The following LINGO2 variants were observed in gnomAD, a reference collection of about 807,000 sequenced individuals.
LINGO2 encodes the protein leucine rich repeat and Ig domain containing 2, also known as leucine-rich repeat and immunoglobulin-like domain-containing nogo receptor-interacting protein 2.
Under a neutral mutation model 30.6 loss-of-function variants are expected in LINGO2, and 14 were observed. That is an observed-to-expected ratio of 0.46 (90% CI 0.30 to 0.72). The LOEUF (loss-of-function observed/expected upper bound fraction) is 0.72. Ranked by LOEUF, LINGO2 falls within the 30% of genes least tolerant of loss-of-function variation. The pLI, the probability that LINGO2 is intolerant of heterozygous loss-of-function variation, is 0.07. For synonymous variants in LINGO2, 317 were observed against 288.5 expected, an observed-to-expected ratio of 1.10 and a Z score of -1.00; for missense variants, 729 against 751.7, an observed-to-expected ratio of 0.97 and a Z score of 0.35.
chr9:28,983,508 C>T, the LINGO2 span, among the ~76,000 whole-genome samples: 2 of 151,638 alleles, frequency 1.3e-5, no homozygotes, highest in African/African-American at 4.8e-5. Flanking sequence ...TGGAAGGCTA[C>T]AGGGCTATTT....
the LINGO2 span, among the ~76,000 whole-genome samples, chr9:29,030,092 T>C: frequency 6.6e-6 from 1 of 152,254 alleles, no homozygotes; most frequent in Admixed American, 6.5e-5. Context: ...GGGTGTTCTA[T>C]AGAATGATAG....
chr9:28,616,496 CCA>C (rs1826137185), intron 1 of LINGO2, among the ~76,000 whole-genome samples: 1 of 152,174 alleles, frequency 6.6e-6, no homozygotes, highest in African/African-American at 2.4e-5. Context: ...AAGTAATCAG[CCA>C]CCAGAACTGC....
chr9:29,177,457 T>C, the LINGO2 span, among the ~76,000 whole-genome samples: 35 of 152,316 alleles, frequency 2.3e-4, no homozygotes, highest in African/African-American at 8.2e-4. Context: ...CTTATTTTCA[T>C]TGACTTTTCA....
At chr9:28,021,352 T>C (rs911913222) in intron 4 of LINGO2, among the ~76,000 whole-genome samples, 2 of 152,224 alleles carry the variant, frequency 1.3e-5, no homozygotes, top group Admixed American at 6.5e-5. Flanking sequence ...AATCCCATTG[T>C]AGTCTAAGTA....
intron 4 of LINGO2, among the ~76,000 whole-genome samples, chr9:28,137,784 A>G (rs1319228077): frequency 1.3e-5 from 2 of 152,124 alleles, no homozygotes; most frequent in African/African-American, 4.8e-5. Context: ...TTTTTATAAT[A>G]AAAAATAGAT....
At chr9:29,062,051 A>T in the LINGO2 span, among the ~76,000 whole-genome samples, 1 of 152,124 alleles carries the variant, frequency 6.6e-6, no homozygotes, top group Middle Eastern at 3.2e-3. Flanking sequence ...CGCAAATGGA[A>T]TTAGAATATG....
intron 2 of LINGO2, among the ~76,000 whole-genome samples, chr9:28,409,868 T>G (rs1192328208): frequency 1.1e-5 from 1 of 93,178 alleles, no homozygotes; most frequent in Non-Finnish European, 2.7e-5. Context: ...ATCATACATT[T>G]CACGATAGAG....
rs546009109 is a variant in LINGO2, at chr9:28,110,184, C to T, written c.-86-97779G>A. ...TAATAAATGGTGCCAGGAAAACTGG[C>T]TAGCCATATGCAGAAAACTGAAACT... On this transcript the variant is annotated intron_variant, in intron 4 of 5. Coordinates refer to ENST00000379992, the Ensembl canonical transcript of LINGO2. Among the ~76,000 whole-genome samples the T allele has an allele frequency of 4.4e-3, 677 of 152,294 alleles. 9 individuals carry two copies. Among genetic ancestry groups the T allele is most frequent in the African/African-American group, 0.015 (622 of 41,568 alleles).
chr9:28,432,899 C>T (rs1823734978), intron 2 of LINGO2, among the ~76,000 whole-genome samples: 1 of 151,820 alleles, frequency 6.6e-6, no homozygotes, highest in Non-Finnish European at 1.5e-5. Context: ...ATCACAATTC[C>T]ACTAGTAGAA....
At chr9:28,467,167 A>C (rs1825347644) in intron 2 of LINGO2, among the ~76,000 whole-genome samples, 1 of 151,990 alleles carries the variant, frequency 6.6e-6, no homozygotes, top group Non-Finnish European at 1.5e-5. Context: ...CTGGGATTAC[A>C]GGTACCCACC....
At chr9:28,362,049 C>G (rs1820467081) in intron 3 of LINGO2, among the ~76,000 whole-genome samples, 1 of 152,204 alleles carries the variant, frequency 6.6e-6, no homozygotes, top group Non-Finnish European at 1.5e-5. Flanking sequence ...GTGCATAATA[C>G]TTGCTAAAAC....
At chr9:28,630,199 CTT>C (rs1222813317) in intron 1 of LINGO2, among the ~76,000 whole-genome samples, 1 of 150,226 alleles carries the variant, frequency 6.7e-6, no homozygotes, top group African/African-American at 2.4e-5. Context: ...TACCCTAAAA[CTT>C]AAAGTATAAT....
chr9:27,997,971 A>C, intron 5 of LINGO2, among the ~76,000 whole-genome samples: 1 of 125,796 alleles, frequency 7.9e-6, no homozygotes, highest in East Asian at 2.7e-4. Flanking sequence ...GGAGGGGGGG[A>C]GGTGGACACC....
the LINGO2 span, among the ~76,000 whole-genome samples, chr9:28,780,785 G>A: frequency 6.6e-6 from 1 of 151,564 alleles, no homozygotes; most frequent in Non-Finnish European, 1.5e-5. Flanking sequence ...AGTCAAGAGC[G>A]CCTTAACATA....
At chr9:28,801,326 T>G in the LINGO2 span, among the ~76,000 whole-genome samples, 2 of 152,074 alleles carry the variant, frequency 1.3e-5, no homozygotes, top group Non-Finnish European at 2.9e-5. Context: ...GAGTGTATAC[T>G]GAGCAAGAAC....
the LINGO2 span, among the ~76,000 whole-genome samples, chr9:29,053,952 G>T: frequency 2.5e-4 from 38 of 151,982 alleles, no homozygotes; most frequent in South Asian, 7.7e-3. Flanking sequence ...GATGCCAATA[G>T]TTCATATTTA....
rs1271802117 is a variant in LINGO2 at position 28,375,684 on chromosome 9, C to T, written c.-278-2816G>A. On this transcript the variant is annotated intron_variant, in intron 2 of 5. Transcript: ENST00000379992. ...CCATTCTTTGATACTGCATCCCCAACAGGTAGAATACATGGGTCTAGGAAC... is the reference window on the plus strand; with the variant it reads ...CCATTCTTTGATACTGCATCCCCAATAGGTAGAATACATGGGTCTAGGAAC... Among the ~76,000 whole-genome samples the T allele has an allele frequency of 2.0e-5, 3 of 152,162 alleles. No homozygotes were observed. In the South Asian group the frequency reaches 6.2e-4, roughly 32 times the overall value.
chr9:28,326,785 T>A (rs1370900511), intron 3 of LINGO2, among the ~76,000 whole-genome samples: 1 of 152,184 alleles, frequency 6.6e-6, no homozygotes, highest in East Asian at 1.9e-4. Context: ...TTAGGAAGGT[T>A]CAATATTCCT....
intron 4 of LINGO2, among the ~76,000 whole-genome samples, chr9:28,049,909 T>A (rs1005647790): frequency 1.3e-5 from 2 of 150,718 alleles, no homozygotes; most frequent in African/African-American, 4.9e-5. Context: ...CAGGGTTGTT[T>A]TTCAGATGGA....
Sources: gnomAD v4.1 joint callset for allele counts (sites outside exome capture counted in the v4.1 genomes callset) on GRCh38, gnomAD v4.1.1 for gene constraint, MANE v1.5 for transcripts, NCBI Gene and HGNC (gene_info 2026-07-23, HGNC 2026-07-21) for gene names.